Variants in TENM2 observed in about 807,000 individuals in gnomAD.
The protein encoded by TENM2 is teneurin transmembrane protein 2.
A neutral mutation model predicts 245.2 loss-of-function variants in TENM2; 52 were observed. That is an observed-to-expected ratio of 0.21 (90% CI 0.17 to 0.27). The LOEUF (loss-of-function observed/expected upper bound fraction) is 0.27. Ranked by LOEUF, TENM2 falls within the 10% of genes least tolerant of loss-of-function variation. The probability of loss-of-function intolerance (pLI) is 1.00; values close to 1 mark genes in which losing one functional copy is unlikely to be tolerated. For missense variants in TENM2, 3,046 were observed against 3,666.8 expected (o/e 0.83, Z 4.37); for synonymous variants, 1,363 against 1,438.9 (o/e 0.95, Z 1.19).
intron 27 of TENM2, among the ~76,000 whole-genome samples, chr5:168,254,673 C>T (rs1271570456): frequency 6.6e-6 from 1 of 152,174 alleles, no homozygotes. Flanking sequence ...ACATCACTTT[C>T]ACCTCCTCAA....
intron 2 of TENM2, among the ~76,000 whole-genome samples, chr5:167,453,776 A>G (rs189910414): frequency 6.6e-5 from 10 of 152,312 alleles, no homozygotes; most frequent in African/African-American, 2.2e-4. Context: ...CTCAGTTAAA[A>G]CATCCACTCA....
chr5:167,674,797 CTT>C (rs1188704464), intron 2 of TENM2, among the ~76,000 whole-genome samples: 5 of 152,062 alleles, frequency 3.3e-5, no homozygotes, highest in Non-Finnish European at 7.4e-5. Context: ...GAAATGTTAT[CTT>C]TCTAAAGCCA....
the TENM2 span, among the ~76,000 whole-genome samples, chr5:167,177,675 G>A: frequency 6.6e-6 from 1 of 152,200 alleles, no homozygotes; most frequent in South Asian, 2.1e-4. Context: ...AGGACCAGAG[G>A]GAGGTGGCTC....
intron 2 of TENM2, among the ~76,000 whole-genome samples, chr5:167,548,397 A>G (rs1246946343): frequency 6.6e-6 from 1 of 152,134 alleles, no homozygotes; most frequent in African/African-American, 2.4e-5. Flanking sequence ...TAAACTGTCT[A>G]GCTCCCTGTA....
the TENM2 span, among the ~76,000 whole-genome samples, chr5:167,260,013 AACCAGTGCCAAG>A: frequency 1.3e-5 from 2 of 152,216 alleles, no homozygotes; most frequent in African/African-American, 4.8e-5. Flanking sequence ...TTCAGGAATA[AACCAGTGCCAAG>A]ACACGCCAAG....
At chr5:167,696,631 A>T (rs765084255) in intron 2 of TENM2, among the ~76,000 whole-genome samples, 1 of 152,262 alleles carries the variant, frequency 6.6e-6, no homozygotes, top group Non-Finnish European at 1.5e-5. Context: ...TGGTGAAAGG[A>T]TTATGAGGCA....
chr5:168,158,581 A>G (rs1012940476), intron 12 of TENM2, among the ~76,000 whole-genome samples: 3 of 151,564 alleles, frequency 2.0e-5, no homozygotes, highest in African/African-American at 7.3e-5. Flanking sequence ...TGTCCTGTGC[A>G]TTGTAGGATG....
chr5:167,543,630 A>G (rs1440545211), intron 2 of TENM2, among the ~76,000 whole-genome samples: 2 of 152,346 alleles, frequency 1.3e-5, no homozygotes, highest in Non-Finnish European at 2.9e-5. Flanking sequence ...GTGTCTTAAA[A>G]CAGTAGAAAT....
chr5:167,553,369 CTG>C (rs1773078349), intron 2 of TENM2, among the ~76,000 whole-genome samples: 1 of 152,114 alleles, frequency 6.6e-6, no homozygotes, highest in African/African-American at 2.4e-5. Context: ...TTTGATAGTA[CTG>C]TGTCAGTAAA....
At chr5:167,067,966 C>T in the TENM2 span, among the ~76,000 whole-genome samples, 1 of 152,210 alleles carries the variant, frequency 6.6e-6, no homozygotes, top group Non-Finnish European at 1.5e-5. Flanking sequence ...ACATCTTCCT[C>T]CTTCCTCTGG....
At chr5:167,914,521 C>T (rs1011283187) in intron 3 of TENM2, among the ~76,000 whole-genome samples, 4 of 152,160 alleles carry the variant, frequency 2.6e-5, no homozygotes, top group African/African-American at 4.8e-5. Flanking sequence ...TCCATCTCAA[C>T]GTCAGCTGAT....
the TENM2 span, among the ~76,000 whole-genome samples, chr5:167,053,682 G>A: frequency 6.6e-6 from 1 of 151,998 alleles, no homozygotes; most frequent in South Asian, 2.1e-4. Flanking sequence ...ACTAGCCAGG[G>A]CAACATAATG....
At chr5:167,004,573 A>G in the TENM2 span, among the ~76,000 whole-genome samples, 1 of 152,354 alleles carries the variant, frequency 6.6e-6, no homozygotes, top group Middle Eastern at 3.4e-3. Context: ...TGCTAGATCC[A>G]TTGGCTTTGC....
intron 5 of TENM2, among the ~76,000 whole-genome samples, chr5:168,025,169 C>A (rs1786490934): frequency 6.6e-6 from 1 of 151,662 alleles, no homozygotes; most frequent in African/African-American, 2.4e-5. Context: ...ACATGGTCTT[C>A]AAAAAAAATG....
At chr5:167,254,208 G>A in the TENM2 span, among the ~76,000 whole-genome samples, 1 of 152,104 alleles carries the variant, frequency 6.6e-6, no homozygotes, top group Non-Finnish European at 1.5e-5. Flanking sequence ...CAGAACCAGG[G>A]GGAGAAAAGG....
chr5:167,015,769 A>G, the TENM2 span, among the ~76,000 whole-genome samples: 1 of 151,448 alleles, frequency 6.6e-6, no homozygotes, highest in Admixed American at 6.6e-5. Flanking sequence ...ATCAAGATAT[A>G]TTTTTTTTTC....
the TENM2 span, among the ~76,000 whole-genome samples, chr5:167,074,399 A>G: frequency 9.2e-5 from 14 of 152,324 alleles, no homozygotes; most frequent in African/African-American, 3.1e-4. Flanking sequence ...TGGTAAGGAC[A>G]GGGTGAAGAC....
the TENM2 span, among the ~76,000 whole-genome samples, chr5:167,188,772 A>G: frequency 1.3e-5 from 2 of 152,176 alleles, no homozygotes; most frequent in South Asian, 4.1e-4. Context: ...TTTCTTAGCT[A>G]TGTTTGGACT....
At chr5:168,261,216 C>G (rs1197787314) in intron 28 of TENM2, among the ~76,000 whole-genome samples, 5 of 152,116 alleles carry the variant, frequency 3.3e-5, no homozygotes, top group Non-Finnish European at 7.4e-5. Flanking sequence ...AGCCTGTCCC[C>G]CAACCACCAA....
Sources: gnomAD v4.1 joint callset for allele counts (sites outside exome capture counted in the v4.1 genomes callset) on GRCh38, gnomAD v4.1.1 for gene constraint, MANE v1.5 for transcripts, NCBI Gene and HGNC (gene_info 2026-07-23, HGNC 2026-07-21) for gene names.